TCTN1: variants seen among roughly 807,000 people sequenced by gnomAD.
TCTN1 encodes tectonic family member 1.
Under a neutral mutation model 65.8 loss-of-function variants are expected in TCTN1, and 58 were observed. That is an observed-to-expected ratio of 0.88 (90% CI 0.71 to 1.10). TCTN1 has a LOEUF of 1.10. TCTN1 is among the 50% of genes least tolerant of loss of function. The pLI is 0.00. For missense variants in TCTN1, 645 were observed against 719.4 expected (o/e 0.90, Z 1.18); for synonymous variants, 273 against 289.1 (o/e 0.94, Z 0.57).
chr12:110,624,212 G>A (rs1030939717), intron 2 of TCTN1, among the ~76,000 whole-genome samples: 2 of 150,400 alleles, frequency 1.3e-5, no homozygotes, highest in Non-Finnish European at 3.0e-5. Flanking sequence ...GTGAGCCACT[G>A]TGCCCAGCCT....
chr12:110,625,378 C>T (rs2065764828), intron 2 of TCTN1, among the ~76,000 whole-genome samples: 1 of 152,190 alleles, frequency 6.6e-6, no homozygotes, highest in African/African-American at 2.4e-5. Flanking sequence ...GCATCTTAAC[C>T]TCCTGAGTAG....
intron 1 of TCTN1, among the ~76,000 whole-genome samples, chr12:110,619,256 C>T (rs1051190129): frequency 6.6e-6 from 1 of 152,086 alleles, no homozygotes; most frequent in African/African-American, 2.4e-5. Context: ...ACCTTATTGT[C>T]TAAATCACCA....
intron 2 of TCTN1, among the ~76,000 whole-genome samples, chr12:110,623,944 G>A (rs987833663): frequency 6.6e-6 from 1 of 152,054 alleles, no homozygotes; most frequent in African/African-American, 2.4e-5. Flanking sequence ...GCTGGTATAC[G>A]ATGATGAAGC....
At position 110,640,943 on chromosome 12, in the gene TCTN1, A is replaced by T; in HGVS notation, c.979-81A>T. Reference sequence around the variant, plus strand: ...ATGGAGAAACAGGGAAAGATTTGCTATCTATGGGTGTTTTCAGTTATTCAT... The same window carrying T: ...ATGGAGAAACAGGGAAAGATTTGCTTTCTATGGGTGTTTTCAGTTATTCAT... On this transcript the variant is annotated intron_variant, in intron 8 of 14. Transcript: ENST00000397659. This position sits in a 1 kb window ranked among gnomAD's most constrained non-coding sequence, Gnocchi z 4.9. 1 of 1,587,672 alleles carries T rather than the reference A, an allele frequency of 6.3e-7. No individual in the cohort carries two copies. The highest frequency in any genetic ancestry group is 8.6e-7 in the Non-Finnish European group (1 of 1,158,146).
intron 7 of TCTN1, among the ~76,000 whole-genome samples, chr12:110,637,479 A>G (rs2066655277): frequency 6.6e-6 from 1 of 152,200 alleles, no homozygotes; most frequent in Non-Finnish European, 1.5e-5. Context: ...GGGAAGACCT[A>G]TTATGAGGAA....
chr12:110,632,410 C>T (rs1438433798), intron 4 of TCTN1, 62 bp from the exon 5 acceptor site: 4 of 1,560,140 alleles, frequency 2.6e-6, no homozygotes, highest in Non-Finnish European at 3.5e-6. Context: ...TGTGGGTGCC[C>T]AGTAAGTGTT....
intron 5 of TCTN1, chr12:110,634,452 G>A (rs1247394367): frequency 1.7e-6 from 1 of 593,132 alleles, no homozygotes; most frequent in Non-Finnish European, 3.1e-6. Context: ...CGAGGCGAGA[G>A]GATCACTTGA....
At chr12:110,617,163 G>T (rs577153130) in intron 1 of TCTN1, among the ~76,000 whole-genome samples, 1 of 152,090 alleles carries the variant, frequency 6.6e-6, no homozygotes. Context: ...TTACATTAGC[G>T]TGCATAAGTT....
intron 5 of TCTN1, among the ~76,000 whole-genome samples, chr12:110,633,799 C>G (rs117406637): frequency 1.3e-5 from 2 of 152,296 alleles, no homozygotes; most frequent in East Asian, 3.9e-4. Context: ...GCTGGTGAGA[C>G]TGTAAATTGG....
rs1433478831 is a variant in TCTN1 at position 110,614,189 on chromosome 12, C to T, written c.7C>T (p.Pro3Ser). The T allele has an allele frequency of 1.3e-6, 2 of 1,552,204 alleles. No individual in the cohort carries two copies. Among genetic ancestry groups the T allele is most frequent in the Non-Finnish European group, 1.7e-6 (2 of 1,148,794 alleles). The change falls in exon 1 of 15, where the codon CCG becomes TCG. Residue 3 changes from proline to serine, a missense_variant. Transcript: ENST00000397659. ...CGCTGGGACTCCCTGGGAGATGAGG[C>T]CGCGAGGTCTCCCGCCGCTCCTGGT... Reference protein sequence around the residue: MRPRGLPPLLVVL... With the variant: MRSRGLPPLLVVL...
intron 7 of TCTN1, among the ~76,000 whole-genome samples, chr12:110,638,679 T>C (rs1311189187): frequency 1.3e-5 from 2 of 152,194 alleles, no homozygotes; most frequent in African/African-American, 2.4e-5. Flanking sequence ...ACACCAGGAC[T>C]CTCCAAAGCT....
intron 6 of TCTN1, 165 bp downstream of exon 6, chr12:110,634,944 A>G (rs1052012019): frequency 4.4e-4 from 242 of 555,412 alleles, no homozygotes; most frequent in Non-Finnish European, 4.9e-4. Flanking sequence ...TCCTTTAAAT[A>G]ATTTTTATTT....
chr12:110,632,195 G>A (rs1389283696), intron 4 of TCTN1, among the ~76,000 whole-genome samples: 1 of 152,166 alleles, frequency 6.6e-6, no homozygotes, highest in Non-Finnish European at 1.5e-5. Context: ...TGTCTGCAGA[G>A]GCAGATCGTT....
chr12:110,641,692 T>C (rs2066965290), intron 10 of TCTN1, 65 bp downstream of exon 10: 2 of 1,491,590 alleles, frequency 1.3e-6, no homozygotes, highest in Non-Finnish European at 1.9e-6. Flanking sequence ...GCTGCACTGC[T>C]CTTTATCGCT....
intron 9 of TCTN1, 143 bp from the exon 10 acceptor site, chr12:110,641,399 G>A (rs544212248): frequency 7.7e-6 from 7 of 906,062 alleles, no homozygotes; most frequent in African/African-American, 6.6e-5. Context: ...CCTGGCAGAT[G>A]TATTTATAGT....
intron 2 of TCTN1, among the ~76,000 whole-genome samples, chr12:110,622,141 A>AAAT (rs796163780): frequency 1.3e-4 from 19 of 149,834 alleles, no homozygotes; most frequent in Admixed American, 3.3e-4. Context: ...CCATAAAAAA[A>AAAT]AATAATAATA....
intron 5 of TCTN1, chr12:110,634,344 T>A: frequency 2.2e-6 from 1 of 460,228 alleles, no homozygotes; most frequent in East Asian, 6.8e-5. Flanking sequence ...GCTTTTTGAA[T>A]TTTGAATCTC....
chr12:110,627,863 C>A, intron 3 of TCTN1: 1 of 616,966 alleles, frequency 1.6e-6, no homozygotes, highest in South Asian at 2.0e-5. Context: ...TTTTATTTGT[C>A]AAATTCTGTC....
At chr12:110,648,025 G>A (rs1367910676) in intron 14 of TCTN1, 132 bp downstream of exon 14, 2 of 1,368,198 alleles carry the variant, frequency 1.5e-6, no homozygotes, top group African/African-American at 2.9e-5. Context: ...AGGCTGGAGT[G>A]CAGTGGTGTG....
Sources: allele counts gnomAD v4.1 joint callset (sites outside exome capture counted in the v4.1 genomes callset), GRCh38; gene constraint gnomAD v4.1.1; non-coding constraint Gnocchi (gnomAD v3.1); transcripts MANE v1.5; gene names NCBI Gene and HGNC (gene_info 2026-07-23, HGNC 2026-07-21).